Variants in NUP93 observed in about 807,000 individuals in gnomAD.
NUP93 encodes nucleoporin 93.
In NUP93, 55 loss-of-function variants were observed where a neutral mutation model predicts 107.8. The ratio of observed to expected loss-of-function variants is 0.51; its 90% CI spans 0.41 to 0.64. The LOEUF (loss-of-function observed/expected upper bound fraction) is 0.64. Among genes scored for constraint, NUP93 ranks in the 30% least tolerant of loss-of-function variants. The pLI is 0.00. For synonymous variants in NUP93, 390 were observed against 397.5 expected (o/e 0.98, Z 0.22); for missense variants, 937 against 1,044.7 (o/e 0.90, Z 1.42).
intron 3 of NUP93, among the ~76,000 whole-genome samples, chr16:56,790,181 C>G (rs537242629): frequency 6.6e-6 from 1 of 152,278 alleles, no homozygotes; most frequent in East Asian, 1.9e-4. Flanking sequence ...AAAGCCTGGA[C>G]TTTTGCTATT....
At chr16:56,842,275 A>G (rs1964040464) in intron 21 of NUP93, among the ~76,000 whole-genome samples, 1 of 152,178 alleles carries the variant, frequency 6.6e-6, no homozygotes, top group South Asian at 2.1e-4. Flanking sequence ...CTAGGACAGC[A>G]TCTTATCCCC....
rs547795592 is a variant in NUP93 at position 56,823,752 on chromosome 16, T to A, written c.700T>A (p.Leu234Met). 1.2e-6 allele frequency: 2 copies of A among 1,614,206 alleles called. No homozygotes were observed. Among genetic ancestry groups the A allele is most frequent in the African/African-American group, 2.7e-5 (2 of 75,062 alleles). ...WTMVKQMTDV[L>M]LTPATDALKN... The stretch of plus-strand genomic sequence containing the variant: ...CATGGTAAAACAAATGACAGACGTG[T>A]TGTTGACACCGGCAACGGATGCCCT... The change falls in exon 8 of 22, where the codon TTG becomes ATG. Residue 234 changes from leucine to methionine, a missense_variant. By Grantham distance (15) the Leu-to-Met change is conservative. Transcript: ENST00000308159.
chr16:56,825,074 T>G (rs1596844956), intron 8 of NUP93, among the ~76,000 whole-genome samples: 1 of 151,990 alleles, frequency 6.6e-6, no homozygotes. Flanking sequence ...TTTTTTTTTT[T>G]GTAAGACAGT....
rs1786489591 is a variant in NUP93, at chr16:56,833,346, G to A, written c.1477G>A (p.Ala493Thr). ...ERLRCHAVHV[A>T]LVLFELKLLL... Reference sequence around the variant, plus strand: ...GCTGCGCTGCCATGCTGTCCATGTAGCACTGGTGCTGTTTGAGCTGAAGCT... The same window carrying A: ...GCTGCGCTGCCATGCTGTCCATGTAACACTGGTGCTGTTTGAGCTGAAGCT... Residue 493 changes from alanine (A) to threonine (T), a missense_variant, in exon 13 of 22, where the codon GCA becomes ACA. Physicochemically the swap from Ala to Thr is moderately conservative, Grantham distance 58 (BLOSUM62 0). Transcript: ENST00000308159. The A allele has an allele frequency of 1.9e-6, 3 of 1,594,914 alleles. No individual in the cohort carries two copies. Among genetic ancestry groups the A allele is most frequent in the Admixed American group, 3.6e-5 (2 of 55,736 alleles).
In NUP93 at chr16:56,848,440, C is replaced by G. The variant is rs1331659240; in HGVS notation, c.*3831C>G. ...CATCTCAGAAATACCAGGAAGAAGTCAGCATCTCATTAAACAGGAGTTGTC... is the reference window on the plus strand; with the variant it reads ...CATCTCAGAAATACCAGGAAGAAGTGAGCATCTCATTAAACAGGAGTTGTC... On this transcript the variant is annotated 3_prime_UTR_variant, in exon 22 of 22. Transcript: ENST00000308159. The G allele has an allele frequency of 1.2e-4, 18 of 152,198 alleles. No homozygotes were observed. The highest frequency in any genetic ancestry group is 1.2e-3 in the Admixed American group (18 of 15,280). The allele number at this position is 152,198 out of a possible 1,614,324, so 9.4% of individuals were successfully genotyped here.
rs769486149 is a variant in NUP93 at position 56,834,741 on chromosome 16, T to C, written c.1745T>C (p.Met582Thr). ...ACTTTTTTCCTTCCACAGTTCGATA[T>C]GATTCTTGGGAAACTAGAGAATGAC... is the stretch of plus-strand genomic sequence containing the variant. Reference protein sequence around the residue: ...ELVIESREFDMILGKLENDGS... With the variant: ...ELVIESREFDTILGKLENDGS... Residue 582 changes from methionine to threonine, a missense_variant, in exon 16 of 22, where the codon ATG becomes ACG. Met to Thr is a moderately conservative substitution (Grantham distance 81). Transcript: ENST00000308159. 2 of 1,612,348 alleles carry C rather than the reference T, an allele frequency of 1.2e-6. No individual in the cohort carries two copies. Among genetic ancestry groups the C allele is most frequent in the Middle Eastern group, 1.7e-4 (1 of 6,058 alleles).
intron 3 of NUP93, among the ~76,000 whole-genome samples, chr16:56,774,491 T>C (rs1395916706): frequency 6.6e-6 from 1 of 152,086 alleles, no homozygotes; most frequent in African/African-American, 2.4e-5. Flanking sequence ...ATTTTACTTT[T>C]CCTTAGCTGC....
rs1239203686 is a variant in NUP93 at position 56,847,043 on chromosome 16, G to A, written c.*2434G>A. 1 of 152,260 alleles carries A rather than the reference G, an allele frequency of 6.6e-6. No individual in the cohort carries two copies. Among genetic ancestry groups the A allele is most frequent in the Non-Finnish European group, 1.5e-5 (1 of 68,084 alleles). The allele number at this position is 152,260 out of a possible 1,614,324, so 9.4% of individuals were successfully genotyped here. A position where few individuals can be genotyped will look rare whatever the true frequency, so the allele number is the denominator to read the frequency against. On this transcript the variant is annotated 3_prime_UTR_variant, in exon 22 of 22. Transcript: ENST00000308159. Reference sequence around the variant, plus strand: ...GCCAGACCTTGAGCTGCTCTGCTAGGGGAGCTGTGAGTTGGGAGAAAAGTG... The same window carrying A: ...GCCAGACCTTGAGCTGCTCTGCTAGAGGAGCTGTGAGTTGGGAGAAAAGTG...
At chr16:56,763,523 GGT>G (rs767710439) in intron 3 of NUP93, among the ~76,000 whole-genome samples, 40 of 124,394 alleles carry the variant, frequency 3.2e-4, no homozygotes, top group Non-Finnish European at 5.5e-4. Flanking sequence ...TGTATGTGTG[GGT>G]GTGTGTGTGT....
At chr16:56,755,181 A>G (rs1314157015) in intron 2 of NUP93, among the ~76,000 whole-genome samples, 1 of 152,240 alleles carries the variant, frequency 6.6e-6, no homozygotes, top group Non-Finnish European at 1.5e-5. Context: ...AAACTTGTGA[A>G]GGAAAAATAA....
intron 5 of NUP93, among the ~76,000 whole-genome samples, chr16:56,809,962 C>T (rs1485698295): frequency 6.6e-6 from 1 of 152,182 alleles, no homozygotes; most frequent in Non-Finnish European, 1.5e-5. Context: ...ATTAGAACAG[C>T]TCATGGTTTT....
intron 1 of NUP93, among the ~76,000 whole-genome samples, chr16:56,731,609 T>C (rs1224693870): frequency 6.6e-6 from 1 of 152,132 alleles, no homozygotes; most frequent in Admixed American, 6.5e-5. Context: ...GATTTCACCA[T>C]GTTGGCCAGG....
chr16:56,839,420 G>A, intron 19 of NUP93, 101 bp from the exon 20 acceptor site: 1 of 855,082 alleles, frequency 1.2e-6, no homozygotes, highest in Non-Finnish European at 1.8e-6. Context: ...CGTTTTCTAT[G>A]AAGAAGCCCT....
At chr16:56,734,373 G>C (rs1288600444) in intron 1 of NUP93, among the ~76,000 whole-genome samples, 1 of 152,226 alleles carries the variant, frequency 6.6e-6, no homozygotes, top group Non-Finnish European at 1.5e-5. Context: ...CATATTTGAA[G>C]AAGAGTGGAA....
chr16:56,736,735 G>A lies in NUP93; in HGVS notation c.-15+6524G>A, dbSNP rs149712852. ...CTGGAAACTCACGGTTGGAGTTTGA[G>A]TGCACGGGGGCAGGTGTGGATTTGA... On this transcript the variant is annotated intron_variant, in intron 1 of 21. Coordinates refer to ENST00000308159, the MANE Select transcript of NUP93 (RefSeq NM_014669.5). Among the ~76,000 whole-genome samples, 1,484 of 152,344 alleles carry A rather than the reference G, an allele frequency of 9.7e-3. 27 individuals are homozygous for A. The highest frequency in any genetic ancestry group is 0.034 in the African/African-American group (1,404 of 41,578).
rs956642815 is a variant in NUP93, at chr16:56,784,550, G to A, written c.298-13926G>A. Among the ~76,000 whole-genome samples the A allele has an allele frequency of 4.6e-5, 7 of 152,048 alleles. No homozygotes were observed. In the South Asian group the frequency reaches 1.0e-3, roughly 23 times the overall value. Reference sequence around the variant, plus strand: ...TCTTAAAATTAATTGGATTTGACCCGGCTTATTTCTTTGTTCCTTTATACT... The same window carrying A: ...TCTTAAAATTAATTGGATTTGACCCAGCTTATTTCTTTGTTCCTTTATACT... On this transcript the variant is annotated intron_variant, in intron 3 of 21. Transcript: ENST00000308159.
At chr16:56,815,281 G>T (rs1261818506) in intron 5 of NUP93, among the ~76,000 whole-genome samples, 1 of 152,140 alleles carries the variant, frequency 6.6e-6, no homozygotes, top group Non-Finnish European at 1.5e-5. Flanking sequence ...CAGGCTTAGT[G>T]CTGTGTCCTG....
In NUP93 at chr16:56,810,111, C is replaced by T. The variant is rs118120587; in HGVS notation, c.489+4479C>T. Among the ~76,000 whole-genome samples the T allele has an allele frequency of 1.7e-3, 253 of 152,296 alleles. 9 individuals are homozygous for T. In the East Asian group the frequency reaches 0.045, roughly 27 times the overall value. On this transcript the variant is annotated intron_variant, in intron 5 of 21. Coordinates refer to ENST00000308159, the MANE Select transcript of NUP93 (RefSeq NM_014669.5). ...AGAATAGTCTGTTTAGTAGACTCTT[C>T]TTACTTGACCTCAAGTCCCCTTGGA...
intron 10 of NUP93, 141 bp from the exon 11 acceptor site, chr16:56,831,701 A>T (rs1963789436): frequency 2.6e-6 from 2 of 762,560 alleles, no homozygotes; most frequent in South Asian, 3.7e-5. Context: ...AGGGGAGGGG[A>T]TGGGGCAGAG....
Sources: gnomAD v4.1 joint callset for allele counts (sites outside exome capture counted in the v4.1 genomes callset) on GRCh38, gnomAD v4.1.1 for gene constraint, MANE v1.5 for transcripts, NCBI Gene and HGNC (gene_info 2026-07-23, HGNC 2026-07-21) for gene names.